Variants in ERBB4 observed in about 807,000 individuals in gnomAD.
The protein encoded by ERBB4 is receptor tyrosine-protein kinase erbB-4.
Under a neutral mutation model 158.0 loss-of-function variants are expected in ERBB4, and 42 were observed. The observed-to-expected ratio is 0.27, with a 90% CI of 0.21 to 0.34. The LOEUF (loss-of-function observed/expected upper bound fraction) is 0.34. Among genes scored for constraint, ERBB4 ranks in the 10% least tolerant of loss-of-function variants. The pLI is 1.00. For missense variants in ERBB4, 1,333 were observed against 1,624.1 expected (o/e 0.82, Z 3.08); for synonymous variants, 583 against 558.7 (o/e 1.04, Z -0.61).
rs571527737 is a variant in ERBB4, at chr2:211,383,231, A to C, written c.*384T>G. On this transcript the variant is annotated 3_prime_UTR_variant, in exon 28 of 28. Transcript: ENST00000342788. ...AGGAACAGATAGCATGGGTGTTTCAACCATCTGCTTTAAAAAAAAAAAAAA... is the reference window on the plus strand; with the variant it reads ...AGGAACAGATAGCATGGGTGTTTCACCCATCTGCTTTAAAAAAAAAAAAAA... The C allele has an allele frequency of 3.3e-6, 1 of 299,096 alleles. No individual in the cohort carries two copies. The highest frequency in any genetic ancestry group is 2.2e-5 in the African/African-American group (1 of 45,292). 18.5% of individuals were successfully genotyped at this position (299,096 alleles called of 1,614,324 possible). A position where few individuals can be genotyped will look rare whatever the true frequency, so the allele number is the denominator to read the frequency against.
intron 1 of ERBB4, among the ~76,000 whole-genome samples, chr2:212,361,006 A>G (rs1235455188): frequency 6.6e-6 from 1 of 151,710 alleles, no homozygotes; most frequent in African/African-American, 2.4e-5. Flanking sequence ...CCAACTCAAC[A>G]TGGATTCTAA....
chr2:211,482,601 G>A (rs989741978), intron 20 of ERBB4, among the ~76,000 whole-genome samples: 2 of 151,996 alleles, frequency 1.3e-5, no homozygotes, highest in African/African-American at 4.8e-5. Context: ...AAGCAATACC[G>A]AGGATAAAAA....
At chr2:211,466,354 A>ATT (rs2064689752) in intron 20 of ERBB4, among the ~76,000 whole-genome samples, 2 of 150,402 alleles carry the variant, frequency 1.3e-5, no homozygotes, top group African/African-American at 4.9e-5. Context: ...TTTTTTAAAA[A>ATT]AAAAAAAAGG....
At chr2:211,995,572 G>A (rs932645903) in intron 2 of ERBB4, among the ~76,000 whole-genome samples, 5 of 152,042 alleles carry the variant, frequency 3.3e-5, no homozygotes, top group African/African-American at 1.2e-4. Flanking sequence ...GCCCAGCCAT[G>A]GCCCTTGATT....
intron 6 of ERBB4, 123 bp from the exon 7 acceptor site, chr2:211,722,657 A>G: frequency 9.3e-7 from 1 of 1,077,110 alleles, no homozygotes; most frequent in Non-Finnish European, 1.4e-6. Flanking sequence ...AAATTTGATA[A>G]TTTAAGAGTC....
rs369549563 is a variant in ERBB4, at chr2:211,747,746, T to A, written c.622+2893A>T. Among the ~76,000 whole-genome samples the A allele has an allele frequency of 5.9e-5, 9 of 151,940 alleles. No individual in the cohort carries two copies. The East Asian group carries it at 1.2e-3, about 20-fold the overall frequency. ...CTTTTTTTTTTGCATTCTACCCTAA[T>A]ACAGTGATTGAATTTCACATTTTTT... On this transcript the variant is annotated intron_variant, in intron 5 of 27. Coordinates refer to ENST00000342788, the MANE Select transcript of ERBB4 (RefSeq NM_005235.3).
intron 20 of ERBB4, among the ~76,000 whole-genome samples, chr2:211,472,977 C>G (rs1384666716): frequency 6.6e-6 from 1 of 151,614 alleles, no homozygotes; most frequent in East Asian, 1.9e-4. Context: ...CTAAAAAATA[C>G]CTCTGCCTCC....
intron 1 of ERBB4, among the ~76,000 whole-genome samples, chr2:212,149,270 A>T (rs372412222): frequency 6.6e-6 from 1 of 152,220 alleles, no homozygotes; most frequent in East Asian, 1.9e-4. Context: ...CCTGTTTATA[A>T]GCCTCCAATT....
chr2:211,881,884 C>A (rs375512130), intron 3 of ERBB4, among the ~76,000 whole-genome samples: 102 of 152,272 alleles, frequency 6.7e-4, no homozygotes, highest in African/African-American at 2.4e-3. Context: ...TTATCCCAGA[C>A]AACGAAGCAG....
At chr2:212,391,642 A>T (rs1324009718) in intron 1 of ERBB4, among the ~76,000 whole-genome samples, 14 of 138,948 alleles carry the variant, frequency 1.0e-4, no homozygotes, top group African/African-American at 3.7e-4. Flanking sequence ...ATTGACATAT[A>T]ATATTATATA....
chr2:212,152,439 T>A (rs1334570128), intron 1 of ERBB4, among the ~76,000 whole-genome samples: 1 of 152,190 alleles, frequency 6.6e-6, no homozygotes, highest in African/African-American at 2.4e-5. Flanking sequence ...GCTGCCCTCA[T>A]TTGTTGACTC....
intron 1 of ERBB4, among the ~76,000 whole-genome samples, chr2:212,421,942 G>C (rs1346607953): frequency 6.6e-6 from 1 of 152,142 alleles, no homozygotes; most frequent in Non-Finnish European, 1.5e-5. Flanking sequence ...CTAATTCAAA[G>C]TTTGCATTAA....
At chr2:212,226,116 ATGT>A (rs1276427088) in intron 1 of ERBB4, among the ~76,000 whole-genome samples, 1 of 152,128 alleles carries the variant, frequency 6.6e-6, no homozygotes, top group Non-Finnish European at 1.5e-5. Context: ...CAAAGCAGTC[ATGT>A]TGTCAACTGT....
intron 20 of ERBB4, among the ~76,000 whole-genome samples, chr2:211,488,875 C>A (rs2065271090): frequency 6.6e-6 from 1 of 152,072 alleles, no homozygotes; most frequent in Non-Finnish European, 1.5e-5. Context: ...ACACTCTTCT[C>A]CCATTCCATT....
In ERBB4 at chr2:212,324,651, C is replaced by G. The variant is rs544266329; in HGVS notation, c.83-199748G>C. The stretch of plus-strand genomic sequence containing the variant: ...GGATCTTGCCTACATCTTACTAAAT[C>G]TGATAATTAGATTTTTGGTTCTAAT... On this transcript the variant is annotated intron_variant, in intron 1 of 27. Coordinates refer to ENST00000342788, the MANE Select transcript of ERBB4 (RefSeq NM_005235.3). Among the ~76,000 whole-genome samples the G allele has an allele frequency of 1.3e-5, 2 of 150,180 alleles. 1 individual carries two copies. Among genetic ancestry groups the G allele is most frequent in the Non-Finnish European group, 3.0e-5 (2 of 67,050 alleles).
chr2:211,447,181 T>G (rs2064131606), intron 20 of ERBB4, among the ~76,000 whole-genome samples: 1 of 152,148 alleles, frequency 6.6e-6, no homozygotes, highest in Admixed American at 6.6e-5. Flanking sequence ...TTGGACTACC[T>G]TTATATGACT....
At chr2:211,898,274 T>G (rs2079150847) in intron 3 of ERBB4, among the ~76,000 whole-genome samples, 1 of 152,172 alleles carries the variant, frequency 6.6e-6, no homozygotes, top group Admixed American at 6.6e-5. Flanking sequence ...TTATCTAAGA[T>G]AGTTTAATCA....
At chr2:211,913,496 G>A (rs2079591476) in intron 3 of ERBB4, among the ~76,000 whole-genome samples, 1 of 152,016 alleles carries the variant, frequency 6.6e-6, no homozygotes, top group Non-Finnish European at 1.5e-5. Context: ...AGCTACATAG[G>A]AGGCTGAAGC....
At chr2:211,431,992 G>A (rs1323863479) in intron 20 of ERBB4, among the ~76,000 whole-genome samples, 1 of 152,056 alleles carries the variant, frequency 6.6e-6, no homozygotes, top group Admixed American at 6.6e-5. Context: ...ACTAAGGGTT[G>A]CTAAACATTA....
Sources: gnomAD v4.1 joint callset for allele counts (sites outside exome capture counted in the v4.1 genomes callset) on GRCh38, gnomAD v4.1.1 for gene constraint, MANE v1.5 for transcripts, NCBI Gene and HGNC (gene_info 2026-07-23, HGNC 2026-07-21) for gene names.